The following PARD3B variants were observed in gnomAD, a reference collection of about 807,000 sequenced individuals.
PARD3B encodes par-3 family cell polarity regulator beta.
In PARD3B, 103 loss-of-function variants were observed where a neutral mutation model predicts 130.2. The ratio of observed to expected loss-of-function variants is 0.79; its 90% CI spans 0.67 to 0.93. The LOEUF (loss-of-function observed/expected upper bound fraction) is 0.93. Ranked by LOEUF, PARD3B falls within the 40% of genes least tolerant of loss-of-function variation. The pLI is 0.00. For missense variants in PARD3B, 1,609 were observed against 1,499.2 expected (o/e 1.07, Z -1.21); for synonymous variants, 583 against 553.2 (o/e 1.05, Z -0.76).
intron 2 of PARD3B, among the ~76,000 whole-genome samples, chr2:204,914,360 A>G (rs1437150426): frequency 2.0e-5 from 3 of 152,212 alleles, no homozygotes; most frequent in South Asian, 2.1e-4. Flanking sequence ...TCCTACAACA[A>G]TAATAGTTAG....
chr2:205,167,940 G>A (rs1437246168), intron 11 of PARD3B, among the ~76,000 whole-genome samples: 1 of 152,332 alleles, frequency 6.6e-6, no homozygotes. Context: ...TTCAGTAAAA[G>A]GGAGATGTCA....
intron 2 of PARD3B, among the ~76,000 whole-genome samples, chr2:204,900,950 C>T (rs2046831266): frequency 6.6e-6 from 1 of 152,070 alleles, no homozygotes; most frequent in South Asian, 2.1e-4. Context: ...TCTTTCTCTT[C>T]CCTTATTTTC....
chr2:205,338,152 C>CAAA lies in PARD3B; in HGVS notation c.2630+36475_2630+36477dup, dbSNP rs1159561152. ...TGGGCAACAGAGTGAGACTCCATCT[C>CAAA]AAAAAAAAAAAAAAAAAAAAAAAAA... On this transcript the variant is annotated intron_variant, in intron 18 of 22. Transcript: ENST00000406610. Among the ~76,000 whole-genome samples, 183 of 20,440 alleles carry CAAA rather than the reference C, an allele frequency of 9.0e-3. 20 individuals carry two copies. Among genetic ancestry groups the CAAA allele is most frequent in the African/African-American group, 0.022 (168 of 7,568 alleles). 13.4% of individuals were successfully genotyped at this position (20,440 alleles called of 152,430 possible).
At chr2:205,279,079 A>AAAAC (rs757067345) in intron 16 of PARD3B, among the ~76,000 whole-genome samples, 2,402 of 144,558 alleles carry the variant, frequency 0.017, 213 homozygotes, top group Non-Finnish European at 0.028. Flanking sequence ...TCAAAAAAAA[A>AAAAC]AAAAAAAAAA....
At position 205,470,450 on chromosome 2, in the gene PARD3B, C is replaced by A. The variant is rs2048785751; in HGVS notation, c.3045-29446C>A. ...ACTGTCAGATGACTCCCTCTGCTCACCCCTGCAGGAGTATTTAAGCTTAAC... is the reference window on the plus strand; with the variant it reads ...ACTGTCAGATGACTCCCTCTGCTCAACCCTGCAGGAGTATTTAAGCTTAAC... On this transcript the variant is annotated intron_variant, in intron 20 of 22. Transcript: ENST00000406610. This position sits in a 1 kb window ranked among gnomAD's most constrained non-coding sequence, Gnocchi z 4.8. Among the ~76,000 whole-genome samples the A allele has an allele frequency of 6.6e-6, 1 of 152,166 alleles. No homozygotes were observed. Among genetic ancestry groups the A allele is most frequent in the African/African-American group, 2.4e-5 (1 of 41,434 alleles).
At chr2:204,666,240 A>G (rs1417059791) in intron 1 of PARD3B, among the ~76,000 whole-genome samples, 1 of 152,206 alleles carries the variant, frequency 6.6e-6, no homozygotes, top group Non-Finnish European at 1.5e-5. Flanking sequence ...CAAAATGTGA[A>G]CAAGGTAATG....
intron 3 of PARD3B, among the ~76,000 whole-genome samples, chr2:205,032,228 T>G (rs1342055668): frequency 6.6e-6 from 1 of 152,030 alleles, no homozygotes; most frequent in Non-Finnish European, 1.5e-5. Context: ...ATTAGCCTGC[T>G]GGGGTAATGT....
chr2:205,299,679 G>A (rs1341611894), intron 16 of PARD3B, among the ~76,000 whole-genome samples: 1 of 151,902 alleles, frequency 6.6e-6, no homozygotes, highest in Non-Finnish European at 1.5e-5. Context: ...AATGGAGTGG[G>A]AGGGGGCAGG....
chr2:205,362,566 G>T (rs2044430238), intron 18 of PARD3B, among the ~76,000 whole-genome samples: 1 of 152,138 alleles, frequency 6.6e-6, no homozygotes, highest in South Asian at 2.1e-4. Context: ...ACTGAATTTG[G>T]AAATGTGTAA....
Position 205,125,818 on chromosome 2 carries a change from A to G in PARD3B, c.1434+81A>G. The stretch of plus-strand genomic sequence containing the variant: ...ATGAACTCATTATAGCTGAGAAACG[A>G]GTTCTAAATCACAGGCTTCATTCAT... On this transcript the variant is annotated intron_variant, in intron 10 of 22. Coordinates refer to ENST00000406610, the MANE Select transcript of PARD3B (RefSeq NM_001302769.2). The surrounding 1 kb of genome is among the most constrained non-coding windows in gnomAD (Gnocchi z 4.0). 1 of 1,527,970 alleles carries G rather than the reference A, an allele frequency of 6.5e-7. No individual in the cohort carries two copies. 94.7% of individuals were successfully genotyped at this position (1,527,970 alleles called of 1,614,324 possible). A position where few individuals can be genotyped will look rare whatever the true frequency, so the allele number is the denominator to read the frequency against.
Position 205,440,559 on chromosome 2 carries a change from T to G in PARD3B, c.2931T>G (p.Ala977=), listed in dbSNP as rs2047677625. 1 of 1,614,136 alleles carries G rather than the reference T, an allele frequency of 6.2e-7. No individual in the cohort carries two copies. The highest frequency in any genetic ancestry group is 1.3e-5 in the African/African-American group (1 of 75,054). The change falls in exon 20 of 23, where the codon GCT becomes GCG. Residue 977 remains alanine (A), a synonymous_variant. Coordinates refer to ENST00000406610, the MANE Select transcript of PARD3B (RefSeq NM_001302769.2). This position sits in a 1 kb window ranked among gnomAD's most constrained non-coding sequence, Gnocchi z 4.2. ...NVFRSPSPPR[A]GPFGYPRDGH... ...TTAGATCTCCATCTCCCCCTCGAGC[T>G]GGACCATTTGGTTACCCTCGGGATG...
At position 205,439,776 on chromosome 2, in the gene PARD3B, G is replaced by T. The variant is rs1386254563; in HGVS notation, c.2742-594G>T. 3.3e-5 allele frequency among the ~76,000 whole-genome samples: 5 copies of T among 152,176 alleles called. No individual in the cohort carries two copies. The East Asian group carries it at 9.7e-4, about 29-fold the overall frequency. On this transcript the variant is annotated intron_variant, in intron 19 of 22. Coordinates refer to ENST00000406610, the MANE Select transcript of PARD3B (RefSeq NM_001302769.2). Reference sequence around the variant, plus strand: ...TCTGTCCCTAGCGCCTATATAATGAGACACAATAATCCCCATTTGTATAAC... The same window carrying T: ...TCTGTCCCTAGCGCCTATATAATGATACACAATAATCCCCATTTGTATAAC...
intron 2 of PARD3B, among the ~76,000 whole-genome samples, chr2:204,758,940 C>T (rs2040786964): frequency 1.3e-5 from 2 of 152,112 alleles, no homozygotes; most frequent in Non-Finnish European, 2.9e-5. Flanking sequence ...CCTCAGTTGT[C>T]CTTCTCTGAT....
intron 19 of PARD3B, among the ~76,000 whole-genome samples, chr2:205,431,628 C>T (rs1024144927): frequency 2.0e-5 from 3 of 151,918 alleles, no homozygotes; most frequent in Admixed American, 2.0e-4. Flanking sequence ...TACCACCACG[C>T]TCAGCTAATT....
chr2:205,557,571 G>C (rs948701484), intron 22 of PARD3B, among the ~76,000 whole-genome samples: 2 of 152,136 alleles, frequency 1.3e-5, no homozygotes, highest in Non-Finnish European at 2.9e-5. Context: ...CTTACCACCT[G>C]TGTGGCCTTG....
chr2:204,777,105 T>G (rs1389344734), intron 2 of PARD3B, among the ~76,000 whole-genome samples: 1 of 152,212 alleles, frequency 6.6e-6, no homozygotes, highest in Non-Finnish European at 1.5e-5. Context: ...ACTTTCAGAT[T>G]GGTGAAGTCT....
chr2:205,278,314 G>T (rs996788002), intron 16 of PARD3B, among the ~76,000 whole-genome samples: 3 of 152,054 alleles, frequency 2.0e-5, no homozygotes, highest in East Asian at 1.9e-4. Flanking sequence ...GTACTTGCAG[G>T]GTTTTTAGGA....
intron 2 of PARD3B, among the ~76,000 whole-genome samples, chr2:204,903,580 AC>A (rs1409211368): frequency 6.6e-6 from 1 of 152,150 alleles, no homozygotes; most frequent in African/African-American, 2.4e-5. Flanking sequence ...TGCAAGAGAA[AC>A]CTTCCTAATT....
chr2:204,596,595 C>T (rs973465262), intron 1 of PARD3B, among the ~76,000 whole-genome samples: 6 of 152,086 alleles, frequency 3.9e-5, no homozygotes, highest in Non-Finnish European at 2.9e-5. Context: ...ACACACTTGT[C>T]AGGTGCAAAA....
Sources: allele counts gnomAD v4.1 joint callset (sites outside exome capture counted in the v4.1 genomes callset), GRCh38; gene constraint gnomAD v4.1.1; non-coding constraint Gnocchi (gnomAD v3.1); transcripts MANE v1.5; gene names NCBI Gene and HGNC (gene_info 2026-07-23, HGNC 2026-07-21).